The following ANKUB1 variants were observed in gnomAD, a reference collection of about 807,000 sequenced individuals.
The protein encoded by ANKUB1 is protein ANKUB1.
In ANKUB1, 42 loss-of-function variants were observed where a neutral mutation model predicts 49.3. The ratio of observed to expected loss-of-function variants is 0.85; its 90% CI spans 0.67 to 1.10. The LOEUF (loss-of-function observed/expected upper bound fraction) is 1.10, where lower values mean the gene tolerates loss of function less well. ANKUB1 is among the 50% of genes least tolerant of loss of function. ANKUB1 has a pLI of 0.00. For synonymous variants in ANKUB1, 222 were observed against 231.0 expected (o/e 0.96, Z 0.35); for missense variants, 613 against 642.0 (o/e 0.95, Z 0.49).
chr3:149,780,585 G>A, intron 2 of ANKUB1, 130 bp from the exon 3 acceptor site: 1 of 672,306 alleles, frequency 1.5e-6, no homozygotes, highest in Non-Finnish European at 2.6e-6. Flanking sequence ...AGTCAGTTGA[G>A]TTCTCTGCCT....
intron 3 of ANKUB1, among the ~76,000 whole-genome samples, chr3:149,777,825 A>G (rs541173707): frequency 6.6e-6 from 1 of 152,322 alleles, no homozygotes; most frequent in East Asian, 1.9e-4. Context: ...TACATGTCTC[A>G]TTTCTATCAC....
chr3:149,784,620 A>G (rs1718015387), intron 2 of ANKUB1, among the ~76,000 whole-genome samples: 1 of 152,156 alleles, frequency 6.6e-6, no homozygotes, highest in Admixed American at 6.5e-5. Context: ...TGATTCTCCA[A>G]TCTTCCGAAA....
At chr3:149,772,810 C>A (rs1717423689) in intron 3 of ANKUB1, among the ~76,000 whole-genome samples, 1 of 152,192 alleles carries the variant, frequency 6.6e-6, no homozygotes, top group African/African-American at 2.4e-5. Flanking sequence ...TTCTTCTGGC[C>A]ATGCTCTGCC....
chr3:149,767,732 C>A lies in ANKUB1; in HGVS notation c.930G>T (p.Met310Ile), dbSNP rs1415729278. ...ATTGTTTTATTTTAATATAAATCCTCATTGGGACTGAAATTTTTGGAAAAG... is the reference window on the plus strand; with the variant it reads ...ATTGTTTTATTTTAATATAAATCCTAATTGGGACTGAAATTTTTGGAAAAG... Reference protein sequence around the residue: ...TVSFPKISVPMRIYIKIKQWI... With the variant: ...TVSFPKISVPIRIYIKIKQWI... The change falls in exon 5 of 6, where the codon ATG becomes ATT. Residue 310 changes from methionine to isoleucine, a missense_variant. Physicochemically the swap from Met to Ile is conservative, Grantham distance 10. Coordinates refer to ENST00000446160, the MANE Select transcript of ANKUB1 (RefSeq NM_001144960.3). 5.5e-5 allele frequency: 86 copies of A among 1,551,478 alleles called. No homozygotes were observed. The highest frequency in any genetic ancestry group is 7.1e-5 in the Non-Finnish European group (82 of 1,146,962).
At chr3:149,778,405 T>C (rs557831067) in intron 3 of ANKUB1, 9 of 152,366 alleles carry the variant, frequency 5.9e-5, no homozygotes, top group Admixed American at 2.0e-4. Context: ...TTTGCTTTTT[T>C]TCAAGTCTGT....
chr3:149,767,590 T>C lies in ANKUB1; in HGVS notation c.1072A>G (p.Thr358Ala), dbSNP rs1717101424. Reference sequence around the variant, plus strand: ...CCAGCCTTATGCCAGCTCTTGGAGGTCATTTTTGGTTTGGTGAAACCATCC... The same window carrying C: ...CCAGCCTTATGCCAGCTCTTGGAGGCCATTTTTGGTTTGGTGAAACCATCC... ...MVDGFTKPKMTSKSWHKAGNS... is the reference protein window; with the variant it reads ...MVDGFTKPKMASKSWHKAGNS... The change falls in exon 5 of 6, where the codon ACC becomes GCC. Residue 358 changes from threonine to alanine, a missense_variant. Thr to Ala is a moderately conservative substitution (Grantham distance 58). Transcript: ENST00000446160. The C allele has an allele frequency of 6.4e-7, 1 of 1,551,518 alleles. No homozygotes were observed. The highest frequency in any genetic ancestry group is 1.4e-5 in the African/African-American group (1 of 73,014).
Sources: gnomAD v4.1 joint callset for allele counts (sites outside exome capture counted in the v4.1 genomes callset) on GRCh38, gnomAD v4.1.1 for gene constraint, MANE v1.5 for transcripts, NCBI Gene and HGNC (gene_info 2026-07-23, HGNC 2026-07-21) for gene names.